BAIAP2: variants seen among roughly 807,000 people sequenced by gnomAD.
BAIAP2 encodes BAR/IMD domain-containing adapter protein 2.
Under a neutral mutation model 63.0 loss-of-function variants are expected in BAIAP2, and 18 were observed. The observed-to-expected ratio is 0.29, with a 90% confidence interval of 0.20 to 0.42. The LOEUF (loss-of-function observed/expected upper bound fraction) is 0.42, where lower values mean the gene tolerates loss of function less well. Ranked by LOEUF, BAIAP2 falls within the 10% of genes least tolerant of loss-of-function variation. The pLI is 1.00. For missense variants in BAIAP2, 610 were observed against 734.3 expected, an observed-to-expected ratio of 0.83 and a Z score of 1.96; for synonymous variants, 386 against 307.6, an observed-to-expected ratio of 1.25 and a Z score of -2.67.
intron 13 of BAIAP2, chr17:81,110,247 C>T: frequency 7.1e-6 from 7 of 985,724 alleles, no homozygotes; most frequent in Non-Finnish European, 8.4e-6. Flanking sequence ...GCTCAAGACG[C>T]GGACCGCGTG....
At chr17:81,055,427 C>T (rs933186066) in intron 2 of BAIAP2, among the ~76,000 whole-genome samples, 4 of 152,104 alleles carry the variant, frequency 2.6e-5, no homozygotes, top group Non-Finnish European at 5.9e-5. Flanking sequence ...TGCAGGGGCC[C>T]CCATGGCTGC....
chr17:81,105,601 T>C (rs1293015213), intron 10 of BAIAP2: 1 of 161,850 alleles, frequency 6.2e-6, no homozygotes, highest in Non-Finnish European at 1.4e-5. Flanking sequence ...GCTGTGTTTG[T>C]GCGGGTGTGT....
At position 81,074,715 on chromosome 17, in the gene BAIAP2, T is replaced by G. The variant is rs2053359184; in HGVS notation, c.218-10117T>G. On this transcript the variant is annotated intron_variant, in intron 3 of 13. Coordinates refer to ENST00000428708, the MANE Select transcript of BAIAP2 (RefSeq NM_001144888.2). ...GTGTGCATGCACGGATGCGTGTCTG[T>G]GCGTCTGTGTGCGTGCACAGATGCG... 2.0e-5 allele frequency among the ~76,000 whole-genome samples: 3 copies of G among 150,384 alleles called. No homozygotes were observed. In the South Asian group the frequency reaches 6.3e-4, roughly 32 times the overall value.
chr17:81,109,575 G>GA (rs2059648387), intron 13 of BAIAP2: 3 of 985,264 alleles, frequency 3.0e-6, no homozygotes, highest in Non-Finnish European at 1.2e-6. Context: ...GGTGCACAGA[G>GA]AAAGGGGGCT....
intron 3 of BAIAP2, among the ~76,000 whole-genome samples, chr17:81,084,388 C>A (rs1037838122): frequency 6.6e-6 from 1 of 152,138 alleles, no homozygotes. Flanking sequence ...TGGGTGTCCC[C>A]CAGAGGAGGT....
At chr17:81,082,432 T>A (rs759839918) in intron 3 of BAIAP2, among the ~76,000 whole-genome samples, 1 of 152,084 alleles carries the variant, frequency 6.6e-6, no homozygotes, top group Non-Finnish European at 1.5e-5. Context: ...GGTGAGCAAC[T>A]GTGTGCCAGG....
rs543367893 is a variant in BAIAP2 at position 81,085,440 on chromosome 17, C to T, written c.280-214C>T. The T allele has an allele frequency of 2.6e-4, 178 of 683,392 alleles. 3 individuals are homozygous for T. The highest frequency in any genetic ancestry group is 2.3e-3 in the South Asian group (153 of 66,038). 42.3% of individuals were successfully genotyped at this position (683,392 alleles called of 1,614,324 possible). A position where few individuals can be genotyped will look rare whatever the true frequency, so the allele number is the denominator to read the frequency against. ...GTGGCTGTTTGGAGGCGAGATTGTCCGACGTTCCAGACTCCTGTTCAGCAC... is the reference window on the plus strand; with the variant it reads ...GTGGCTGTTTGGAGGCGAGATTGTCTGACGTTCCAGACTCCTGTTCAGCAC... On this transcript the variant is annotated intron_variant, in intron 4 of 13. Transcript: ENST00000428708.
At chr17:81,076,348 C>T (rs8079781) in intron 3 of BAIAP2, 32,879 of 152,176 alleles carry the variant, frequency 0.22, 4,302 homozygotes, top group Admixed American at 0.34. Flanking sequence ...ACGGAGGCCC[C>T]GTCTAGGTTG....
At chr17:81,092,823 C>T (rs964263265) in intron 6 of BAIAP2, among the ~76,000 whole-genome samples, 7 of 152,156 alleles carry the variant, frequency 4.6e-5, no homozygotes, top group African/African-American at 9.7e-5. Flanking sequence ...ACGCGGGGCA[C>T]GGTGGACATG....
intron 12 of BAIAP2, chr17:81,107,959 C>T (rs1002425955): frequency 1.2e-5 from 2 of 164,406 alleles, no homozygotes; most frequent in East Asian, 1.8e-4. Context: ...AAGGGCACAG[C>T]CAGCCCCAGC....
intron 4 of BAIAP2, chr17:81,085,314 G>C (rs1343679078): frequency 1.9e-6 from 1 of 529,096 alleles, no homozygotes; most frequent in Non-Finnish European, 3.5e-6. Context: ...TGACCCTGGT[G>C]TCAGTTCAGG....
chr17:81,045,924 C>T (rs2047736590), intron 1 of BAIAP2, among the ~76,000 whole-genome samples: 1 of 152,166 alleles, frequency 6.6e-6, no homozygotes, highest in East Asian at 1.9e-4. Context: ...ACAGGCTGGC[C>T]TCTTCCTGCC....
intron 1 of BAIAP2, chr17:81,036,888 AC>A (rs768007909): frequency 2.0e-6 from 3 of 1,535,906 alleles, no homozygotes; most frequent in Non-Finnish European, 8.7e-7. Flanking sequence ...TACCAGCGGA[AC>A]CTTTTTCCTA....
At chr17:81,113,804 G>A (rs1280617728) in intron 13 of BAIAP2, among the ~76,000 whole-genome samples, 1 of 152,132 alleles carries the variant, frequency 6.6e-6, no homozygotes, top group African/African-American at 2.4e-5. Context: ...TCCTACCCCT[G>A]CAGCTCCCCG....
At position 81,085,745 on chromosome 17, in the gene BAIAP2, G is replaced by T. The variant is rs1217030096; in HGVS notation, c.351+20G>T. On this transcript the variant is annotated intron_variant, in intron 5 of 13. Transcript: ENST00000428708. ...CTGAGTGTAAGTGCACCCTGGCCGTGCCTGCTGGGCCCTGTGCCTGGGCTC... is the reference window on the plus strand; with the variant it reads ...CTGAGTGTAAGTGCACCCTGGCCGTTCCTGCTGGGCCCTGTGCCTGGGCTC... 3.1e-6 allele frequency: 5 copies of T among 1,604,068 alleles called. No homozygotes were observed. The highest frequency in any genetic ancestry group is 4.3e-6 in the Non-Finnish European group (5 of 1,172,684).
intron 8 of BAIAP2, 26 bp downstream of exon 8, chr17:81,103,749 T>C: frequency 6.8e-6 from 6 of 886,694 alleles, no homozygotes; most frequent in Non-Finnish European, 1.1e-5. Context: ...CTGGAAAGCT[T>C]CACGGGTGTG....
In BAIAP2 at chr17:81,058,754, C is replaced by T. The variant is rs558190321; in HGVS notation, c.217+787C>T. Among the ~76,000 whole-genome samples, 8 of 152,330 alleles carry T rather than the reference C, an allele frequency of 5.3e-5. No homozygotes were observed. In the East Asian group the frequency reaches 7.7e-4, roughly 15 times the overall value. The stretch of plus-strand genomic sequence containing the variant: ...AGGACAGGCTGCGCTCACTCTTGAC[C>T]GTCTCCCCGTGGCCGCCAATCTGGG... On this transcript the variant is annotated intron_variant, in intron 3 of 13. Transcript: ENST00000428708.
intron 3 of BAIAP2, among the ~76,000 whole-genome samples, chr17:81,068,902 T>C (rs969536376): frequency 1.3e-5 from 2 of 152,158 alleles, no homozygotes; most frequent in African/African-American, 4.8e-5. Flanking sequence ...GTCCCAGACA[T>C]GCTCCTGTGT....
intron 3 of BAIAP2, among the ~76,000 whole-genome samples, chr17:81,067,377 G>A (rs751647788): frequency 6.6e-6 from 1 of 152,250 alleles, no homozygotes; most frequent in Non-Finnish European, 1.5e-5. Flanking sequence ...CCTGAGCAGG[G>A]GAAGGGGGCG....
Sources: gnomAD v4.1 joint callset for allele counts (sites outside exome capture counted in the v4.1 genomes callset) on GRCh38, gnomAD v4.1.1 for gene constraint, MANE v1.5 for transcripts, NCBI Gene and HGNC (gene_info 2026-07-23, HGNC 2026-07-21) for gene names.